The following SHISA9 variants were observed in gnomAD, a reference collection of about 807,000 sequenced individuals.
The protein encoded by SHISA9 is shisa family member 9.
SHISA9 carries 13 observed loss-of-function variants against 38.0 expected under a neutral mutation model. That is an observed-to-expected ratio of 0.34 (90% CI 0.22 to 0.54). The LOEUF is 0.54. Ranked by LOEUF, SHISA9 falls within the 20% of genes least tolerant of loss-of-function variation. The probability of loss-of-function intolerance (pLI) is 0.91; values close to 1 mark genes in which losing one functional copy is unlikely to be tolerated. For synonymous variants in SHISA9, 275 were observed against 242.0 expected (o/e 1.14, Z -1.27); for missense variants, 538 against 575.8 (o/e 0.93, Z 0.67).
intron 2 of SHISA9, among the ~76,000 whole-genome samples, chr16:13,139,384 C>CCTTCTTTCCTTCCTT (rs2050378346): frequency 1.2e-5 from 1 of 86,866 alleles, no homozygotes; most frequent in African/African-American, 5.9e-5. Flanking sequence ...CTCCGTCCCT[C>CCTTCTTTCCTTCCTT]CCTTCCTTCT....
intron 1 of SHISA9, chr16:12,909,384 T>C (rs1322822953): frequency 1.0e-6 from 1 of 985,344 alleles, no homozygotes; most frequent in Non-Finnish European, 1.2e-6. Flanking sequence ...CAAGAAGAAG[T>C]GCTCAGGAAC....
At chr16:13,090,233 A>G (rs932512630) in intron 2 of SHISA9, among the ~76,000 whole-genome samples, 2 of 152,152 alleles carry the variant, frequency 1.3e-5, no homozygotes, top group African/African-American at 4.8e-5. Flanking sequence ...TATGTGGTCA[A>G]TTTTAGAATA....
At chr16:13,336,730 G>T in the SHISA9 span, among the ~76,000 whole-genome samples, 3 of 152,116 alleles carry the variant, frequency 2.0e-5, no homozygotes, top group South Asian at 2.1e-4. Context: ...TCAATTTGTG[G>T]GTGGATGTTC....
At chr16:13,527,625 A>G in the SHISA9 span, among the ~76,000 whole-genome samples, 2 of 152,190 alleles carry the variant, frequency 1.3e-5, no homozygotes, top group African/African-American at 4.8e-5. Flanking sequence ...TGAAGCAAAC[A>G]CACTCAGAGA....
At chr16:13,111,133 G>C (rs1008193434) in intron 2 of SHISA9, among the ~76,000 whole-genome samples, 1 of 152,026 alleles carries the variant, frequency 6.6e-6, no homozygotes, top group Non-Finnish European at 1.5e-5. Context: ...CATAGGCATG[G>C]GTAAAGACTT....
the SHISA9 span, among the ~76,000 whole-genome samples, chr16:13,428,273 A>G: frequency 6.6e-6 from 1 of 152,148 alleles, no homozygotes; most frequent in Non-Finnish European, 1.5e-5. Context: ...GCTTAGAATA[A>G]CTAGCAAGAA....
the SHISA9 span, among the ~76,000 whole-genome samples, chr16:13,314,289 CTG>C: frequency 6.6e-6 from 1 of 151,970 alleles, no homozygotes; most frequent in Non-Finnish European, 1.5e-5. Context: ...TCTCAGCTGA[CTG>C]AAACCTCCGC....
the SHISA9 span, among the ~76,000 whole-genome samples, chr16:13,357,049 A>G: frequency 6.6e-6 from 1 of 152,136 alleles, no homozygotes; most frequent in Non-Finnish European, 1.5e-5. Flanking sequence ...CCTATAGTGA[A>G]GGAGGCAAAC....
the SHISA9 span, among the ~76,000 whole-genome samples, chr16:13,337,301 A>G: frequency 6.6e-6 from 1 of 152,148 alleles, no homozygotes; most frequent in African/African-American, 2.4e-5. Context: ...ATGGTAGTGA[A>G]TAAGTCTCAC....
chr16:12,908,934 T>A (rs2071143120), intron 1 of SHISA9: 2 of 1,008,912 alleles, frequency 2.0e-6, no homozygotes, highest in African/African-American at 1.7e-5. Context: ...CCTGTGTGTT[T>A]TTAAAACATG....
the SHISA9 span, among the ~76,000 whole-genome samples, chr16:13,530,562 T>G: frequency 6.6e-6 from 1 of 152,174 alleles, no homozygotes; most frequent in East Asian, 1.9e-4. Flanking sequence ...ACAATAAGTA[T>G]GATGGCATCC....
chr16:13,497,692 A>C, the SHISA9 span, among the ~76,000 whole-genome samples: 1 of 115,354 alleles, frequency 8.7e-6, no homozygotes, highest in South Asian at 2.3e-4. Context: ...CTCCAAAAAA[A>C]AAAAAAAAAG....
intron 2 of SHISA9, among the ~76,000 whole-genome samples, chr16:13,003,889 T>TAATAAGAAGAAGAAGAAG (rs770958492): frequency 2.1e-5 from 3 of 145,824 alleles, no homozygotes; most frequent in African/African-American, 7.6e-5. Flanking sequence ...ATAATAATAA[T>TAATAAGAAGAAGAAGAAG]AAGAAGAAGA....
the SHISA9 span, among the ~76,000 whole-genome samples, chr16:13,507,252 T>G: frequency 6.6e-6 from 1 of 151,800 alleles, no homozygotes; most frequent in Admixed American, 6.6e-5. Flanking sequence ...ACTCAGAGAG[T>G]GCAAGTAATT....
chr16:13,248,639 A>G, the SHISA9 span, among the ~76,000 whole-genome samples: 2 of 152,180 alleles, frequency 1.3e-5, no homozygotes, highest in Non-Finnish European at 2.9e-5. Flanking sequence ...CCACTTACTC[A>G]TGGTGGATGT....
chr16:13,169,274 G>T lies in SHISA9; in HGVS notation c.692-34120G>T, dbSNP rs143002727. 9.4e-3 allele frequency among the ~76,000 whole-genome samples: 1,432 copies of T among 152,304 alleles called. 13 individuals carry two copies. The highest frequency in any genetic ancestry group is 0.031 in the Middle Eastern group (9 of 294). On this transcript the variant is annotated intron_variant, in intron 2 of 4. Coordinates refer to ENST00000558583, the MANE Select transcript of SHISA9 (RefSeq NM_001145204.3). ...CAATTAGTGAATAAGCAGTTGATTA[G>T]TTCATTACGAAAATAGTGAAAACAA...
intron 2 of SHISA9, among the ~76,000 whole-genome samples, chr16:13,109,980 G>T (rs2141965747): frequency 6.6e-6 from 1 of 152,232 alleles, no homozygotes; most frequent in Non-Finnish European, 1.5e-5. Flanking sequence ...TGAGCCTTTT[G>T]TGGACACATG....
At chr16:13,219,985 G>A (rs2051207268) in intron 4 of SHISA9, among the ~76,000 whole-genome samples, 1 of 152,084 alleles carries the variant, frequency 6.6e-6, no homozygotes, top group African/African-American at 2.4e-5. Flanking sequence ...ATAGGAAAGA[G>A]ATGCATCTCA....
chr16:13,544,600 T>G, the SHISA9 span, among the ~76,000 whole-genome samples: 4 of 151,944 alleles, frequency 2.6e-5, no homozygotes, highest in African/African-American at 9.7e-5. Flanking sequence ...AAGGAACACA[T>G]AAATTTTGGA....
Sources: allele counts gnomAD v4.1 joint callset (sites outside exome capture counted in the v4.1 genomes callset), GRCh38; gene constraint gnomAD v4.1.1; transcripts MANE v1.5; gene names NCBI Gene and HGNC (gene_info 2026-07-23, HGNC 2026-07-21).